Variants in MBP observed in about 807,000 individuals in gnomAD.
MBP encodes myelin basic protein.
Under a neutral mutation model 35.8 loss-of-function variants are expected in MBP, and 16 were observed. The observed-to-expected ratio is 0.45, with a 90% confidence interval of 0.30 to 0.68. The LOEUF is 0.68. Among genes scored for constraint, MBP ranks in the 30% least tolerant of loss-of-function variants. The pLI is 0.08. For missense variants in MBP, 380 were observed against 404.7 expected, an observed-to-expected ratio of 0.94 and a Z score of 0.52; for synonymous variants, 143 against 159.6, an observed-to-expected ratio of 0.90 and a Z score of 0.78.
At chr18:77,030,825 G>A (rs111996116) in intron 3 of MBP, among the ~76,000 whole-genome samples, 88 of 152,242 alleles carry the variant, frequency 5.8e-4, no homozygotes, top group African/African-American at 2.1e-3. Context: ...GAGGCTACCG[G>A]GGCCACTGTG....
intron 2 of MBP, among the ~76,000 whole-genome samples, chr18:77,086,384 AGT>A (rs1975238197): frequency 6.6e-6 from 1 of 152,238 alleles, no homozygotes; most frequent in East Asian, 1.9e-4. Flanking sequence ...CATTTTCAAG[AGT>A]CTAAACAGGA....
chr18:77,091,979 C>T (rs758609536), intron 2 of MBP, among the ~76,000 whole-genome samples: 1 of 152,210 alleles, frequency 6.6e-6, no homozygotes, highest in African/African-American at 2.4e-5. Context: ...ACCAGATTGC[C>T]GAAGATAGGG....
intron 1 of MBP, among the ~76,000 whole-genome samples, chr18:77,125,207 C>G (rs1461889040): frequency 1.3e-5 from 2 of 152,226 alleles, no homozygotes; most frequent in Non-Finnish European, 2.9e-5. Flanking sequence ...TCCACACCTG[C>G]TTTCAGATTC....
At chr18:76,997,717 T>C (rs8090930) in intron 4 of MBP, among the ~76,000 whole-genome samples, 150,008 of 150,246 alleles carry the variant, frequency 1, 74,886 homozygotes, top group Middle Eastern at 1. Context: ...GAGTCTCACT[T>C]TGTCCCCCAG....
At position 76,979,008 on chromosome 18, in the gene MBP, TTTG is replaced by T. The variant is rs1273145456; in HGVS notation, c.*1416_*1418del. 6.6e-6 allele frequency: 1 copy of T among 152,096 alleles called. No homozygotes were observed. The highest frequency in any genetic ancestry group is 1.9e-4 in the East Asian group (1 of 5,180). The allele number at this position is 152,096 out of a possible 1,614,324, so 9.4% of individuals were successfully genotyped here. On this transcript the variant is annotated 3_prime_UTR_variant, in exon 9 of 9. Coordinates refer to ENST00000355994, the MANE Select transcript of MBP (RefSeq NM_001025101.2). ...AAATTTGGAGGTTTGTGTCTGGAGT[TTTG>T]TTCTTTGTAACTCTCTCATCATCGA...
chr18:77,125,538 A>T (rs562998039), intron 1 of MBP, among the ~76,000 whole-genome samples: 1 of 152,290 alleles, frequency 6.6e-6, no homozygotes, highest in Admixed American at 6.5e-5. Context: ...CGTAATCATG[A>T]CCACATGTTC....
At chr18:77,084,410 C>CA (rs1975115037) in intron 2 of MBP, among the ~76,000 whole-genome samples, 1 of 47,612 alleles carries the variant, frequency 2.1e-5, no homozygotes, top group East Asian at 8.4e-4. Context: ...ATCACAACAC[C>CA]GCCCCCCCCG....
At chr18:77,122,541 CT>C (rs1275788797) in intron 1 of MBP, among the ~76,000 whole-genome samples, 1 of 152,162 alleles carries the variant, frequency 6.6e-6, no homozygotes, top group African/African-American at 2.4e-5. Context: ...TTGTTTCTTT[CT>C]TTTCTTTAAA....
At chr18:76,998,497 C>T (rs1599508416) in intron 4 of MBP, among the ~76,000 whole-genome samples, 2 of 152,186 alleles carry the variant, frequency 1.3e-5, no homozygotes, top group South Asian at 2.1e-4. Context: ...CCCGGAGCCA[C>T]GCTGATCTGA....
At chr18:77,018,169 CCA>C in intron 3 of MBP, among the ~76,000 whole-genome samples, 1 of 152,018 alleles carries the variant, frequency 6.6e-6, no homozygotes, top group South Asian at 2.1e-4. Flanking sequence ...ATCTATCCAT[CCA>C]TCCATACACA....
At chr18:77,005,171 C>G (rs760093859) in intron 4 of MBP, 1 of 152,274 alleles carries the variant, frequency 6.6e-6, no homozygotes, top group African/African-American at 2.4e-5. Flanking sequence ...CGGGTTCCAG[C>G]TTCCTCATCC....
intron 2 of MBP, among the ~76,000 whole-genome samples, chr18:77,082,764 GAC>G (rs1568330720): frequency 0.078 from 2,907 of 37,394 alleles, no homozygotes; most frequent in South Asian, 0.12. Context: ...GCAGCAGCTG[GAC>G]CAGGTGGTCT....
At chr18:77,014,566 A>T in intron 4 of MBP, 1 of 985,454 alleles carries the variant, frequency 1.0e-6, no homozygotes, top group Non-Finnish European at 1.2e-6. Flanking sequence ...TAAACAGAAC[A>T]ACAAATAAAA....
intron 7 of MBP, chr18:76,986,761 T>A (rs1969581068): frequency 1.0e-6 from 1 of 985,488 alleles, no homozygotes; most frequent in Non-Finnish European, 1.2e-6. Flanking sequence ...GTTAAGTCCT[T>A]CTGTCTTACT....
chr18:77,045,612 T>C (rs79883546), intron 3 of MBP, among the ~76,000 whole-genome samples: 1,754 of 152,342 alleles, frequency 0.012, 29 homozygotes, highest in African/African-American at 0.04. Context: ...CGAGGTTAGA[T>C]TGTTAGCCAG....
chr18:77,118,499 G>A (rs537316623), intron 1 of MBP, among the ~76,000 whole-genome samples: 23 of 152,026 alleles, frequency 1.5e-4, no homozygotes, highest in South Asian at 2.1e-4. Context: ...GAAATCTCCC[G>A]TGTGAGTGTC....
chr18:77,064,268 T>C (rs989420185), intron 3 of MBP, among the ~76,000 whole-genome samples: 1 of 152,164 alleles, frequency 6.6e-6, no homozygotes, highest in African/African-American at 2.4e-5. Flanking sequence ...AAACCCTAAG[T>C]GTTCTCCAGA....
chr18:77,071,850 A>G (rs1453364951), intron 2 of MBP, among the ~76,000 whole-genome samples: 1 of 152,204 alleles, frequency 6.6e-6, no homozygotes, highest in Non-Finnish European at 1.5e-5. Context: ...AGCCCTGTCC[A>G]TCACACTGGA....
At position 77,044,076 on chromosome 18, in the gene MBP, G is replaced by A. The variant is rs1156780774; in HGVS notation, c.139+22222C>T. 6.6e-6 allele frequency among the ~76,000 whole-genome samples: 1 copy of A among 151,930 alleles called. No homozygotes were observed. Among genetic ancestry groups the A allele is most frequent in the Admixed American group, 6.6e-5 (1 of 15,244 alleles). On this transcript the variant is annotated intron_variant, in intron 3 of 8. Transcript: ENST00000355994. This position sits in a 1 kb window ranked among gnomAD's most constrained non-coding sequence, Gnocchi z 4.4. Reference sequence around the variant, plus strand: ...GTGCAAATCCTGTTCTCCTTCCAGCGGTGAGTTCCTCCTGCTGACCACCTC... The same window carrying A: ...GTGCAAATCCTGTTCTCCTTCCAGCAGTGAGTTCCTCCTGCTGACCACCTC...
Sources: gnomAD v4.1 joint callset for allele counts (sites outside exome capture counted in the v4.1 genomes callset) on GRCh38, gnomAD v4.1.1 for gene constraint, Gnocchi (gnomAD v3.1) non-coding constraint, MANE v1.5 for transcripts, NCBI Gene and HGNC (gene_info 2026-07-23, HGNC 2026-07-21) for gene names.